The following CGN variants were observed in gnomAD, a reference collection of about 807,000 sequenced individuals.
CGN encodes the protein cingulin.
Under a neutral mutation model 157.1 loss-of-function variants are expected in CGN, and 121 were observed. The observed-to-expected ratio is 0.77, with a 90% CI of 0.66 to 0.90. The LOEUF (loss-of-function observed/expected upper bound fraction) is 0.90, where lower values mean the gene tolerates loss of function less well. Ranked by LOEUF, CGN falls within the 40% of genes least tolerant of loss-of-function variation. The pLI is 0.00. For missense variants in CGN, 1,424 were observed against 1,520.9 expected, an observed-to-expected ratio of 0.94 and a Z score of 1.06; for synonymous variants, 535 against 607.5, an observed-to-expected ratio of 0.88 and a Z score of 1.76.
In CGN at chr1:151,524,129, A is replaced by G. The variant is rs545127481; in HGVS notation, c.1269-97A>G. 20 of 1,191,126 alleles carry G rather than the reference A, an allele frequency of 1.7e-5. No homozygotes were observed. The African/African-American group carries it at 2.6e-4, about 16-fold the overall frequency. 73.8% of individuals were successfully genotyped at this position (1,191,126 alleles called of 1,614,324 possible). On this transcript the variant is annotated intron_variant, in intron 6 of 20. Coordinates refer to ENST00000271636, the MANE Select transcript of CGN (RefSeq NM_020770.3). This position sits in a 1 kb window ranked among gnomAD's most constrained non-coding sequence, Gnocchi z 4.4. ...GGAGGCCTCATCAAGATTTGAAGGA[A>G]GGAAGTTTAAATGCATTAATAAATA...
At chr1:151,527,522 T>C (rs1448305308) in intron 10 of CGN, among the ~76,000 whole-genome samples, 1 of 152,214 alleles carries the variant, frequency 6.6e-6, no homozygotes, top group Non-Finnish European at 1.5e-5. Flanking sequence ...TTTCAGTTTA[T>C]TAATTTACAT....
At chr1:151,528,897 T>C (rs1472488261) in intron 10 of CGN, among the ~76,000 whole-genome samples, 2 of 152,228 alleles carry the variant, frequency 1.3e-5, no homozygotes, top group African/African-American at 4.8e-5. Flanking sequence ...TTGAATCCTA[T>C]AATATATGGG....
At chr1:151,532,605 C>A in intron 14 of CGN, 33 bp downstream of exon 14, 2 of 1,228,534 alleles carry the variant, frequency 1.6e-6, no homozygotes, top group Non-Finnish European at 2.1e-6. Context: ...TTTGAAGGTC[C>A]TTGCCTCTTT....
Position 151,520,465 on chromosome 1 carries a change from G to A in CGN, c.1026G>A (p.Glu342=), listed in dbSNP as rs1664517652. ...SVRRKVSLVL[E]KMQPLVMVSS... ...GGAGGAAGGTTAGTTTGGTGCTGGAGAAGATGCAGCCTCTAGTGGTGAGTG... is the reference window on the plus strand; with the variant it reads ...GGAGGAAGGTTAGTTTGGTGCTGGAAAAGATGCAGCCTCTAGTGGTGAGTG... Residue 342 remains glutamate (E), a synonymous_variant, in exon 4 of 21, where the codon GAG becomes GAA. Transcript: ENST00000271636. 1 of 1,614,176 alleles carries A rather than the reference G, an allele frequency of 6.2e-7. No individual in the cohort carries two copies. Among genetic ancestry groups the A allele is most frequent in the Non-Finnish European group, 8.5e-7 (1 of 1,179,984 alleles).
chr1:151,518,726 C>A lies in CGN; in HGVS notation c.207C>A (p.Asn69Lys). ...CTGGGCAGCCCTTTGTGGTGCTCAA[C>A]AGTGGGGAGAAAGGCGGTGACTCCT... ...GIAGQPFVVL[N>K]SGEKGGDSFG... Residue 69 changes from asparagine (N) to lysine (K), a missense_variant, in exon 2 of 21, where the codon AAC (asparagine) becomes AAA (lysine). Transcript: ENST00000271636. 6.2e-7 allele frequency: 1 copy of A among 1,614,138 alleles called. No homozygotes were observed. The highest frequency in any genetic ancestry group is 8.5e-7 in the Non-Finnish European group (1 of 1,180,010).
chr1:151,532,475 A>C lies in CGN; in HGVS notation c.2645A>C (p.Lys882Thr), dbSNP rs779062407. The C allele has an allele frequency of 1.2e-6, 2 of 1,609,136 alleles. No individual in the cohort carries two copies. The highest frequency in any genetic ancestry group is 1.7e-5 in the Admixed American group (1 of 58,824). Reference protein sequence around the residue: ...LQAQLEDYKEKARREVADAQR... With the variant: ...LQAQLEDYKETARREVADAQR... ...GCCCAGCTGGAGGATTATAAGGAAA[A>C]GGCCCGGCGGGAGGTGGCAGATGCC... The change falls in exon 14 of 21, where the codon AAG becomes ACG. Residue 882 changes from lysine to threonine, a missense_variant. Physicochemically the swap from Lys to Thr is moderately conservative, Grantham distance 78. Transcript: ENST00000271636.
Position 151,532,401 on chromosome 1 carries a change from GT to G in CGN, c.2573del (p.Leu858TrpfsTer51). The G allele has an allele frequency of 6.4e-7, 1 of 1,554,980 alleles. No homozygotes were observed. Among genetic ancestry groups the G allele is most frequent in the Non-Finnish European group, 8.6e-7 (1 of 1,156,276 alleles). On this transcript the variant is annotated frameshift_variant and splice_region_variant, in exon 14 of 21. Coordinates refer to ENST00000271636, the MANE Select transcript of CGN (RefSeq NM_020770.3). LOFTEE classifies it high-confidence loss of function. ...DRTVDRLNKE[L>X]EKIGEDSKQA... ...TGAAGACCCTTTTCTCTGTGTTTCAGTTGGAGAAGATCGGGGAGGACTCTAA... is the reference window on the plus strand; with the variant it reads ...TGAAGACCCTTTTCTCTGTGTTTCAGTGGAGAAGATCGGGGAGGACTCTAA...
rs767380672 is a variant in CGN, at chr1:151,518,589, A to G, written c.70A>G (p.Thr24Ala). Residue 24 changes from threonine (T) to alanine (A), a missense_variant, in exon 2 of 21, where the codon ACA becomes GCA. Transcript: ENST00000271636. ...CCATGGAGTCCAGATTCGCTTCATC[A>G]CAGAGCCAGTGAGTGGTGCAGAGAT... Reference protein sequence around the residue: ...VDHGVQIRFITEPVSGAEMGT... With the variant: ...VDHGVQIRFIAEPVSGAEMGT... The G allele has an allele frequency of 9.3e-6, 15 of 1,613,918 alleles. No homozygotes were observed. In the Admixed American group the frequency reaches 1.2e-4, roughly 13 times the overall value.
chr1:151,527,128 A>C (rs763825404), intron 10 of CGN, 21 bp downstream of exon 10: 1 of 1,613,830 alleles, frequency 6.2e-7, no homozygotes, highest in Non-Finnish European at 8.5e-7. Context: ...ATTGGGGGGC[A>C]GAATGGTAGG....
chr1:151,513,959 TC>T (rs750722659), intron 1 of CGN, among the ~76,000 whole-genome samples: 5 of 152,062 alleles, frequency 3.3e-5, no homozygotes, highest in Non-Finnish European at 7.4e-5. Context: ...GGCCCTGGAC[TC>T]CATGTTGCCT....
At chr1:151,526,003 G>A (rs567782978) in intron 9 of CGN, among the ~76,000 whole-genome samples, 1 of 152,116 alleles carries the variant, frequency 6.6e-6, no homozygotes, top group Non-Finnish European at 1.5e-5. Context: ...CTCCCAAGTA[G>A]CTGGGATTAC....
intron 10 of CGN, among the ~76,000 whole-genome samples, chr1:151,528,664 G>A (rs578103573): frequency 3.9e-5 from 6 of 151,944 alleles, no homozygotes; most frequent in South Asian, 2.1e-4. Flanking sequence ...TGATCCACCC[G>A]CCTCAGCCTC....
chr1:151,529,835 C>A, intron 11 of CGN, 74 bp from the exon 12 acceptor site: 1 of 1,396,086 alleles, frequency 7.2e-7, no homozygotes, highest in South Asian at 1.3e-5. Flanking sequence ...TGGGTGTGGT[C>A]AATGGCCCCA....
At position 151,523,548 on chromosome 1, in the gene CGN, C is replaced by G. The variant is rs1220967418; in HGVS notation, c.1255C>G (p.Gln419Glu). Residue 419 changes from glutamine (Q) to glutamate (E), a missense_variant, in exon 6 of 21, where the codon CAG becomes GAG. Physicochemically the swap from Gln to Glu is conservative, Grantham distance 29. Around this residue, in one of 3 missense-constraint regions of CGN, gnomAD observed 1,187 missense variants for 1,217.6 expected, o/e 0.97. Transcript: ENST00000271636. ...LLERRKGEAQ[Q>E]SNKELQNMKR... ...GGAGAGGAGGAAGGGGGAGGCCCAG[C>G]AGAGCAACAAGGAGTGAGTGCAGCT... The G allele has an allele frequency of 1.2e-6, 2 of 1,609,356 alleles. No individual in the cohort carries two copies. Among genetic ancestry groups the G allele is most frequent in the Non-Finnish European group, 8.5e-7 (1 of 1,177,974 alleles).
At chr1:151,523,600 G>T (rs368062623) in intron 6 of CGN, 39 bp downstream of exon 6, 3 of 1,549,846 alleles carry the variant, frequency 1.9e-6, no homozygotes, top group Non-Finnish European at 2.6e-6. Flanking sequence ...CTGCTTGGGG[G>T]CCTAGGCCAG....
chr1:151,517,205 T>C (rs1378495955), intron 1 of CGN, among the ~76,000 whole-genome samples: 1 of 152,036 alleles, frequency 6.6e-6, no homozygotes, highest in Non-Finnish European at 1.5e-5. Flanking sequence ...TCTACGTGGT[T>C]CCAAATTCAA....
chr1:151,522,458 C>G (rs1472963519), intron 5 of CGN, among the ~76,000 whole-genome samples: 1 of 151,712 alleles, frequency 6.6e-6, no homozygotes, highest in South Asian at 2.1e-4. Flanking sequence ...AACCCTGTCT[C>G]TACTGAAAAT....
At position 151,535,763 on chromosome 1, in the gene CGN, C is replaced by T. The variant is rs761187991; in HGVS notation, c.3079-17C>T. 10 of 1,611,890 alleles carry T rather than the reference C, an allele frequency of 6.2e-6. No individual in the cohort carries two copies. The highest frequency in any genetic ancestry group is 7.6e-6 in the Non-Finnish European group (9 of 1,178,068). On this transcript the variant is annotated splice_polypyrimidine_tract_variant and intron_variant, in intron 17 of 20. Transcript: ENST00000271636. Reference sequence around the variant, plus strand: ...GCCAGTGGAGTGCTAACTGTGGAGGCTTCCTGTCCCTCTCAGAACAAGGAC... The same window carrying T: ...GCCAGTGGAGTGCTAACTGTGGAGGTTTCCTGTCCCTCTCAGAACAAGGAC...
rs762023035 is a variant in CGN, at chr1:151,530,497, A to G, written c.2322A>G (p.Lys774=). The G allele has an allele frequency of 1.5e-5, 23 of 1,582,488 alleles. No individual in the cohort carries two copies. The Admixed American group carries it at 3.8e-4, about 26-fold the overall frequency. Residue 774 remains lysine, a synonymous_variant, in exon 13 of 21, where the codon AAA becomes AAG. Coordinates refer to ENST00000271636, the MANE Select transcript of CGN (RefSeq NM_020770.3). ...RDKLQRLEAE[K]QQLEEALNAS... ...GCTTCCCTACCTCCCAGGCAGAGAA[A>G]CAGCAGCTGGAGGAGGCCCTGAATG...
Sources: allele counts gnomAD v4.1 joint callset (sites outside exome capture counted in the v4.1 genomes callset), GRCh38; gene constraint gnomAD v4.1.1; regional missense constraint gnomAD v4.1.1; non-coding constraint Gnocchi (gnomAD v3.1); transcripts MANE v1.5; gene names NCBI Gene and HGNC (gene_info 2026-07-23, HGNC 2026-07-21).